Variants in DNAJB12 observed in about 807,000 individuals in gnomAD.
DNAJB12 encodes dnaJ homolog subfamily B member 12.
DNAJB12 carries 14 observed loss-of-function variants against 40.6 expected under a neutral mutation model. The ratio of observed to expected loss-of-function variants is 0.34; its 90% CI spans 0.23 to 0.54. DNAJB12 has a LOEUF of 0.54. Among genes scored for constraint, DNAJB12 ranks in the 20% least tolerant of loss-of-function variants. The probability of loss-of-function intolerance (pLI) is 0.92; values close to 1 mark genes in which losing one functional copy is unlikely to be tolerated. For missense variants in DNAJB12, 444 were observed against 501.7 expected, an observed-to-expected ratio of 0.89 and a Z score of 1.10; for synonymous variants, 181 against 199.5, an observed-to-expected ratio of 0.91 and a Z score of 0.78.
At chr10:72,347,398 C>A (rs545760499) in intron 1 of DNAJB12, among the ~76,000 whole-genome samples, 1 of 152,212 alleles carries the variant, frequency 6.6e-6, no homozygotes, top group Non-Finnish European at 1.5e-5. Flanking sequence ...AGTCAGGAAG[C>A]CTTCCTGGAG....
At chr10:72,337,288 C>T (rs771263824) in intron 6 of DNAJB12, among the ~76,000 whole-genome samples, 9 of 152,224 alleles carry the variant, frequency 5.9e-5, no homozygotes, top group Non-Finnish European at 1.3e-4. Context: ...CATCTGGCCA[C>T]AGGGAGCCTG....
In DNAJB12 at chr10:72,334,264, G is replaced by A. The variant is rs1367648630; in HGVS notation, c.*384C>T. 4 of 413,224 alleles carry A rather than the reference G, an allele frequency of 9.7e-6. No individual in the cohort carries two copies. In the East Asian group the frequency reaches 2.2e-4, roughly 23 times the overall value. The allele number at this position is 413,224 out of a possible 1,614,324, so 25.6% of individuals were successfully genotyped here. On this transcript the variant is annotated 3_prime_UTR_variant, in exon 9 of 9. Transcript: ENST00000444643. ...TCTGGCTTCTCCTGAGAGGTGGCTG[G>A]TGGTGGCTCCTGTGAGGGAGGAAAG...
At chr10:72,350,191 G>A (rs1171267091) in intron 1 of DNAJB12, among the ~76,000 whole-genome samples, 1 of 151,912 alleles carries the variant, frequency 6.6e-6, no homozygotes, top group East Asian at 1.9e-4. Context: ...ATTGAGCTCA[G>A]GAGTTCGAGA....
In DNAJB12 at chr10:72,338,192, A is replaced by G. The variant is rs1174411761; in HGVS notation, c.833+10T>C. The G allele has an allele frequency of 6.2e-7, 1 of 1,612,754 alleles. No individual in the cohort carries two copies. The highest frequency in any genetic ancestry group is 8.5e-7 in the Non-Finnish European group (1 of 1,178,796). ...GTCTGCCCATGGCCCGGCCTCACCC[A>G]TGTACTCACGGTCTTGGACTCAGAC... On this transcript the variant is annotated intron_variant, in intron 6 of 8. Coordinates refer to ENST00000444643, the MANE Select transcript of DNAJB12 (RefSeq NM_017626.7).
In DNAJB12 at chr10:72,340,796, T is replaced by A. The variant is rs553336736; in HGVS notation, c.716A>T (p.Gln239Leu). ...YQQRQDRRDNQGDGGLGVFVQ... is the reference protein window; with the variant it reads ...YQQRQDRRDNLGDGGLGVFVQ... Reference sequence around the variant, plus strand: ...GGCGCCCTCCTCACTCACATCACCCTGGTTGTCCCTGCGGTCCTGCCTTTG... The same window carrying A: ...GGCGCCCTCCTCACTCACATCACCCAGGTTGTCCCTGCGGTCCTGCCTTTG... The change falls in exon 5 of 9, where the codon CAG (glutamine) becomes CTG (leucine). Residue 239 changes from glutamine to leucine, a missense_variant. By Grantham distance (113) the Gln-to-Leu change is moderately radical. Transcript: ENST00000444643. 1.2e-6 allele frequency: 2 copies of A among 1,613,918 alleles called. No individual in the cohort carries two copies. The highest frequency in any genetic ancestry group is 1.7e-6 in the Non-Finnish European group (2 of 1,179,994).
chr10:72,334,755 G>C (rs1002490980), intron 8 of DNAJB12, 138 bp from the exon 9 acceptor site: 1 of 1,401,118 alleles, frequency 7.1e-7, no homozygotes, highest in Non-Finnish European at 9.2e-7. Context: ...CCCCACTTGC[G>C]GCCTGCCCTC....
At chr10:72,336,240 C>T (rs1042217321) in intron 7 of DNAJB12, among the ~76,000 whole-genome samples, 10 of 152,122 alleles carry the variant, frequency 6.6e-5, no homozygotes, top group Admixed American at 5.2e-4. Context: ...GGGATCCATC[C>T]GCTCCAGTCC....
chr10:72,353,767 A>C (rs567546090), intron 1 of DNAJB12: 77 of 152,166 alleles, frequency 5.1e-4, no homozygotes, highest in African/African-American at 1.8e-3. Context: ...CCAACCCTCT[A>C]ATCTTCCCGA....
chr10:72,345,470 C>T (rs1361885826), intron 1 of DNAJB12, among the ~76,000 whole-genome samples: 5 of 148,736 alleles, frequency 3.4e-5, no homozygotes, highest in African/African-American at 7.5e-5. Context: ...GATGTGGTGG[C>T]GGGCGCCTGT....
chr10:72,340,063 G>A (rs951441164), intron 5 of DNAJB12, among the ~76,000 whole-genome samples: 3 of 152,194 alleles, frequency 2.0e-5, no homozygotes, highest in African/African-American at 7.2e-5. Context: ...TTCTCTCAGT[G>A]GCAGAGCGCA....
At chr10:72,345,235 C>T in intron 1 of DNAJB12, 108 bp from the exon 2 acceptor site, 1 of 1,343,302 alleles carries the variant, frequency 7.4e-7, no homozygotes, top group Non-Finnish European at 1.0e-6. Context: ...AAGCCACCAG[C>T]TCCTGCCCTG....
At position 72,341,131 on chromosome 10, in the gene DNAJB12, T is replaced by G. The variant is rs779652414; in HGVS notation, c.497A>C (p.Lys166Thr). The change falls in exon 4 of 9, where the codon AAG becomes ACG. Residue 166 changes from lysine (K) to threonine (T), a missense_variant. Physicochemically the swap from Lys to Thr is moderately conservative, Grantham distance 78 (BLOSUM62 -1). Coordinates refer to ENST00000444643, the MANE Select transcript of DNAJB12 (RefSeq NM_017626.7). Reference protein sequence around the residue: ...TAYAVLSNPEKRKQYDQFGDD... With the variant: ...TAYAVLSNPETRKQYDQFGDD... ...GCCGAACTGGTCATACTGCTTCCTC[T>G]TCTCCGGGTTGCTGAGTACCGCATA... 1 of 1,613,904 alleles carries G rather than the reference T, an allele frequency of 6.2e-7. No individual in the cohort carries two copies. The highest frequency in any genetic ancestry group is 8.5e-7 in the Non-Finnish European group (1 of 1,179,840).
intron 1 of DNAJB12, chr10:72,353,331 GAGC>G (rs1369546692): frequency 6.6e-6 from 1 of 152,186 alleles, no homozygotes; most frequent in Admixed American, 6.5e-5. Flanking sequence ...GAGGCTCCTC[GAGC>G]AGGTTACCTC....
chr10:72,350,277 T>C (rs947889742), intron 1 of DNAJB12, among the ~76,000 whole-genome samples: 2 of 151,878 alleles, frequency 1.3e-5, no homozygotes, highest in Admixed American at 1.3e-4. Flanking sequence ...CACATGCCTG[T>C]GGTCCCGGCT....
intron 1 of DNAJB12, among the ~76,000 whole-genome samples, chr10:72,348,397 G>T (rs2132002216): frequency 6.6e-6 from 1 of 152,356 alleles, no homozygotes; most frequent in South Asian, 2.1e-4. Flanking sequence ...AAGCTGACCA[G>T]CTGGGAAAAC....
chr10:72,345,251 G>T, intron 1 of DNAJB12, 124 bp from the exon 2 acceptor site: 3 of 1,109,386 alleles, frequency 2.7e-6, no homozygotes, highest in Middle Eastern at 2.9e-4. Context: ...CCCTGATTAG[G>T]CCTGTGGGTG....
At chr10:72,354,500 C>T (rs1398715618) in intron 1 of DNAJB12, 2 of 441,266 alleles carry the variant, frequency 4.5e-6, no homozygotes, top group Non-Finnish European at 8.1e-6. Context: ...CAGCGCGTTT[C>T]ATTCTCGGAG....
chr10:72,341,968 T>C (rs1346313463), intron 3 of DNAJB12, among the ~76,000 whole-genome samples: 2 of 152,242 alleles, frequency 1.3e-5, no homozygotes, highest in African/African-American at 4.8e-5. Context: ...TCATTCTCTC[T>C]TGACGTGCCC....
chr10:72,342,294 T>C (rs1861660391), intron 3 of DNAJB12, among the ~76,000 whole-genome samples: 1 of 152,176 alleles, frequency 6.6e-6, no homozygotes, highest in South Asian at 2.1e-4. Flanking sequence ...TCACTCCCTC[T>C]CCTCAAGCTG....
Sources: allele counts gnomAD v4.1 joint callset (sites outside exome capture counted in the v4.1 genomes callset), GRCh38; gene constraint gnomAD v4.1.1; transcripts MANE v1.5; gene names NCBI Gene and HGNC (gene_info 2026-07-23, HGNC 2026-07-21).